ZPBP: variants seen among roughly 807,000 people sequenced by gnomAD.
The protein encoded by ZPBP is zona pellucida binding protein.
ZPBP carries 26 observed loss-of-function variants against 44.8 expected under a neutral mutation model. That is an observed-to-expected ratio of 0.58 (90% CI 0.43 to 0.81). The LOEUF (loss-of-function observed/expected upper bound fraction) is 0.81, where lower values mean the gene tolerates loss of function less well. ZPBP is among the 30% of genes least tolerant of loss of function. The pLI, the probability that ZPBP is intolerant of heterozygous loss-of-function variation, is 0.00. For missense variants in ZPBP, 409 were observed against 434.0 expected (o/e 0.94, Z 0.51); for synonymous variants, 174 against 153.2 (o/e 1.14, Z -1.00).
intron 7 of ZPBP, among the ~76,000 whole-genome samples, chr7:49,982,579 A>G (rs1278336432): frequency 1.3e-5 from 2 of 151,188 alleles, no homozygotes; most frequent in African/African-American, 4.8e-5. Context: ...CCCTCACTGA[A>G]TGCTCAATCT....
At chr7:49,872,095 C>T (rs1369026342) in intron 2 of ZPBP, among the ~76,000 whole-genome samples, 1 of 151,842 alleles carries the variant, frequency 6.6e-6, no homozygotes, top group East Asian at 1.9e-4. Flanking sequence ...GAACAGTATA[C>T]TATGAAACAG....
intron 2 of ZPBP, among the ~76,000 whole-genome samples, chr7:49,866,664 G>T (rs1041464523): frequency 6.6e-6 from 1 of 152,184 alleles, no homozygotes; most frequent in African/African-American, 2.4e-5. Flanking sequence ...TCTATCACAG[G>T]TGCCTCATTT....
chr7:49,859,334 G>T (rs1413079952), intron 2 of ZPBP, among the ~76,000 whole-genome samples: 1 of 152,058 alleles, frequency 6.6e-6, no homozygotes, highest in Non-Finnish European at 1.5e-5. Flanking sequence ...TTTAAGTCTG[G>T]TTTTTAAAAT....
At chr7:49,899,940 A>G (rs1792622786) in intron 2 of ZPBP, among the ~76,000 whole-genome samples, 1 of 151,882 alleles carries the variant, frequency 6.6e-6, no homozygotes, top group Non-Finnish European at 1.5e-5. Context: ...TACCTTAATA[A>G]ATTTTGAAAA....
chr7:50,073,547 CAAG>C (rs1398361469), intron 3 of ZPBP, among the ~76,000 whole-genome samples: 1 of 151,950 alleles, frequency 6.6e-6, no homozygotes, highest in Non-Finnish European at 1.5e-5. Flanking sequence ...TATCCAAGTA[CAAG>C]AAGGTTACAG....
Position 49,981,626 on chromosome 7 carries a change from AT to A in ZPBP, c.961+1715del, listed in dbSNP as rs1370192576. ...AAATTATATAATTATATTATATTATATTATATTATATATTATATAATATCTT... is the reference window on the plus strand; with the variant it reads ...AAATTATATAATTATATTATATTATATATATTATATATTATATAATATCTT... On this transcript the variant is annotated intron_variant, in intron 7 of 7. Transcript: ENST00000046087. Among the ~76,000 whole-genome samples the A allele has an allele frequency of 9.4e-3, 423 of 44,880 alleles. 53 individuals carry two copies. The highest frequency in any genetic ancestry group is 0.022 in the African/African-American group (161 of 7,422). 29.4% of individuals were successfully genotyped at this position (44,880 alleles called of 152,430 possible). A position where few individuals can be genotyped will look rare whatever the true frequency, so the allele number is the denominator to read the frequency against.
At position 49,865,452 on chromosome 7, in the gene ZPBP, A is replaced by C. The variant is rs1008190683; in HGVS notation, n.510-14938T>G. 2.6e-4 allele frequency among the ~76,000 whole-genome samples: 40 copies of C among 152,282 alleles called. 1 individual carries two copies. The highest frequency in any genetic ancestry group is 9.4e-4 in the African/African-American group (39 of 41,546). ...GCAAAACGTAGTGGCTTCAAGTAAC[A>C]ATTGTTTTATTTAGTTCTTGCTTTT... On this transcript the variant is annotated intron_variant and non_coding_transcript_variant, in intron 2 of 2. Coordinates refer to the ZPBP transcript ENST00000465922.
intron 2 of ZPBP, among the ~76,000 whole-genome samples, chr7:49,865,579 C>A (rs1790850669): frequency 6.6e-6 from 1 of 152,178 alleles, no homozygotes; most frequent in African/African-American, 2.4e-5. Flanking sequence ...GCTTAGGACT[C>A]CAAAAAGCAT....
chr7:49,868,601 A>C (rs1791008406), intron 2 of ZPBP, among the ~76,000 whole-genome samples: 1 of 152,194 alleles, frequency 6.6e-6, no homozygotes, highest in South Asian at 2.1e-4. Context: ...ATTTAAATGT[A>C]ATGATCTCAT....
At chr7:49,954,042 T>G (rs1237586861) in intron 7 of ZPBP, among the ~76,000 whole-genome samples, 1 of 152,022 alleles carries the variant, frequency 6.6e-6, no homozygotes, top group African/African-American at 2.4e-5. Context: ...ATACATAACT[T>G]CCAATTTCAA....
chr7:49,865,673 G>A (rs1171336220), intron 2 of ZPBP, among the ~76,000 whole-genome samples: 1 of 152,222 alleles, frequency 6.6e-6, no homozygotes, highest in African/African-American at 2.4e-5. Context: ...TCCAAAGCAA[G>A]TCACATGTCA....
chr7:49,977,916 T>A (rs1796600957), intron 7 of ZPBP, among the ~76,000 whole-genome samples: 1 of 152,148 alleles, frequency 6.6e-6, no homozygotes, highest in Non-Finnish European at 1.5e-5. Flanking sequence ...GATGTCTGAT[T>A]CCTAAACGTT....
chr7:49,978,244 G>C (rs1271842118), intron 7 of ZPBP, among the ~76,000 whole-genome samples: 2 of 151,568 alleles, frequency 1.3e-5, no homozygotes, highest in Admixed American at 1.3e-4. Flanking sequence ...TTTGGTTGTA[G>C]TATATTATAT....
chr7:49,892,096 G>A (rs35915360), intron 2 of ZPBP, among the ~76,000 whole-genome samples: 35,064 of 135,334 alleles, frequency 0.26, 5,450 homozygotes, highest in Non-Finnish European at 0.36. Flanking sequence ...CCAGGCGGGA[G>A]TGCAGTGGCG....
At chr7:49,928,132 T>C (rs996553063) in intron 1 of ZPBP, among the ~76,000 whole-genome samples, 1 of 152,164 alleles carries the variant, frequency 6.6e-6, no homozygotes, top group African/African-American at 2.4e-5. Context: ...CCTTCCATCT[T>C]TGTTTTCATG....
chr7:49,883,203 CG>C (rs1791748337), intron 2 of ZPBP, among the ~76,000 whole-genome samples: 1 of 152,002 alleles, frequency 6.6e-6, no homozygotes, highest in Non-Finnish European at 1.5e-5. Context: ...GCAATGAAGT[CG>C]ACTGACCCGA....
At chr7:50,072,173 G>A (rs1801870579) in intron 3 of ZPBP, among the ~76,000 whole-genome samples, 2 of 152,196 alleles carry the variant, frequency 1.3e-5, no homozygotes, top group African/African-American at 4.8e-5. Flanking sequence ...CCCAGGCCAG[G>A]AAGCATGGGC....
At chr7:50,034,732 A>T (rs1024826153) in intron 4 of ZPBP, among the ~76,000 whole-genome samples, 8 of 152,120 alleles carry the variant, frequency 5.3e-5, no homozygotes, top group African/African-American at 1.9e-4. Context: ...GGACTAAGAG[A>T]TTCATTCAAT....
At chr7:50,043,127 C>T (rs570345377) in intron 4 of ZPBP, among the ~76,000 whole-genome samples, 1 of 152,226 alleles carries the variant, frequency 6.6e-6, no homozygotes, top group East Asian at 1.9e-4. Context: ...TAAGGACTTG[C>T]TCCTTCTTCA....
Sources: allele counts gnomAD v4.1 joint callset (sites outside exome capture counted in the v4.1 genomes callset), GRCh38; gene constraint gnomAD v4.1.1; transcripts MANE v1.5; gene names NCBI Gene and HGNC (gene_info 2026-07-23, HGNC 2026-07-21).